Variants in ERBB4 observed in about 807,000 individuals in gnomAD.
ERBB4 encodes receptor tyrosine-protein kinase erbB-4.
A neutral mutation model predicts 158.0 loss-of-function variants in ERBB4; 42 were observed. The ratio of observed to expected loss-of-function variants is 0.27; its 90% CI spans 0.21 to 0.34. The LOEUF (loss-of-function observed/expected upper bound fraction) is 0.34, where lower values mean the gene tolerates loss of function less well. ERBB4 is among the 10% of genes least tolerant of loss of function. The pLI, the probability that ERBB4 is intolerant of heterozygous loss-of-function variation, is 1.00. For missense variants in ERBB4, 1,333 were observed against 1,624.1 expected (o/e 0.82, Z 3.08); for synonymous variants, 583 against 558.7 (o/e 1.04, Z -0.61).
intron 1 of ERBB4, among the ~76,000 whole-genome samples, chr2:212,395,838 C>G (rs1468631685): frequency 1.3e-5 from 2 of 151,906 alleles, no homozygotes; most frequent in South Asian, 2.1e-4. Flanking sequence ...AGGATGGTCT[C>G]GATCTCTTGA....
intron 1 of ERBB4, among the ~76,000 whole-genome samples, chr2:212,152,016 G>A (rs1205800863): frequency 6.6e-6 from 1 of 152,036 alleles, no homozygotes. Flanking sequence ...ATCTAATTGG[G>A]ATTCTATTTT....
intron 1 of ERBB4, among the ~76,000 whole-genome samples, chr2:212,358,033 A>C (rs1365520728): frequency 6.6e-6 from 1 of 151,874 alleles, no homozygotes; most frequent in Non-Finnish European, 1.5e-5. Flanking sequence ...AGCATTTCTA[A>C]ATGACTTCCC....
chr2:211,823,355 A>G (rs1316668553), intron 3 of ERBB4, among the ~76,000 whole-genome samples: 1 of 151,932 alleles, frequency 6.6e-6, no homozygotes, highest in African/African-American at 2.4e-5. Context: ...ACCCAAGCTT[A>G]ATCTAGTATT....
At chr2:212,151,079 A>T (rs1165557219) in intron 1 of ERBB4, among the ~76,000 whole-genome samples, 8 of 152,022 alleles carry the variant, frequency 5.3e-5, no homozygotes, top group African/African-American at 1.7e-4. Flanking sequence ...TATGAATGAA[A>T]ATGGAATATT....
intron 25 of ERBB4, among the ~76,000 whole-genome samples, chr2:211,413,309 AACACACACACACACACAC>A (rs36108369): frequency 3.2e-5 from 3 of 94,574 alleles, no homozygotes; most frequent in South Asian, 5.8e-4. Context: ...CTGTCTTAAA[AACACACACACACACACAC>A]ACACACACAC....
At chr2:211,710,255 A>T (rs918475115) in intron 9 of ERBB4, among the ~76,000 whole-genome samples, 2 of 152,184 alleles carry the variant, frequency 1.3e-5, no homozygotes, top group African/African-American at 4.8e-5. Context: ...GAAAGGCTTG[A>T]GGCTAATTCA....
At chr2:211,829,432 G>A (rs535737660) in intron 3 of ERBB4, among the ~76,000 whole-genome samples, 9 of 152,084 alleles carry the variant, frequency 5.9e-5, no homozygotes, top group East Asian at 1.9e-4. Flanking sequence ...TTTGGTTACC[G>A]TTAAGTATCT....
chr2:212,264,929 T>C (rs532306580), intron 1 of ERBB4, among the ~76,000 whole-genome samples: 1 of 152,224 alleles, frequency 6.6e-6, no homozygotes, highest in Non-Finnish European at 1.5e-5. Flanking sequence ...GTTTCCTTCA[T>C]CATATTTCCA....
intron 2 of ERBB4, among the ~76,000 whole-genome samples, chr2:212,008,912 C>A (rs1246587192): frequency 1.3e-5 from 2 of 152,122 alleles, no homozygotes; most frequent in Admixed American, 1.3e-4. Flanking sequence ...AAGATTCATG[C>A]TTTACATGAC....
rs183098090 is a variant in ERBB4 at position 211,943,018 on chromosome 2, T to C, written c.421+4412A>G. On this transcript the variant is annotated intron_variant, in intron 3 of 27. Coordinates refer to ENST00000342788, the MANE Select transcript of ERBB4 (RefSeq NM_005235.3). ...TAAGCATTTATCTCTCCATTTAAGA[T>C]ATAAACAAAATAGATAAGAACTTAA... 9.9e-5 allele frequency among the ~76,000 whole-genome samples: 15 copies of C among 152,246 alleles called. No individual in the cohort carries two copies. In the East Asian group the frequency reaches 2.7e-3, roughly 27 times the overall value.
chr2:211,396,102 C>T (rs1227514785), intron 25 of ERBB4, among the ~76,000 whole-genome samples: 1 of 151,672 alleles, frequency 6.6e-6, no homozygotes, highest in Admixed American at 6.6e-5. Flanking sequence ...GATATAGTTC[C>T]TTTTGTACTA....
intron 1 of ERBB4, among the ~76,000 whole-genome samples, chr2:212,196,664 A>G (rs2105892150): frequency 6.6e-6 from 1 of 152,254 alleles, no homozygotes; most frequent in Admixed American, 6.5e-5. Flanking sequence ...AACCTGATGG[A>G]ATAGTACTGT....
chr2:212,396,751 CAT>C (rs2091036845), intron 1 of ERBB4, among the ~76,000 whole-genome samples: 1 of 152,080 alleles, frequency 6.6e-6, no homozygotes, highest in South Asian at 2.1e-4. Flanking sequence ...TACTTAATGA[CAT>C]GAGTAGTTTT....
rs2069737298 is a variant in ERBB4, at chr2:211,624,011, G to A, written c.2113C>T (p.Pro705Ser). Residue 705 changes from proline (P) to serine (S), a missense_variant, in exon 18 of 28, where the codon CCC (proline) becomes TCC (serine). Transcript: ENST00000342788. ...AAAATACGAAGTTGAGCTTGATTGG[G>A]TGCTGTGCCACTGGGAGTTAATGGT... ...VEPLTPSGTA[P>S]NQAQLRILKE... 1 of 1,613,970 alleles carries A rather than the reference G, an allele frequency of 6.2e-7. No individual in the cohort carries two copies. Among genetic ancestry groups the A allele is most frequent in the Non-Finnish European group, 8.5e-7 (1 of 1,179,992 alleles).
intron 1 of ERBB4, among the ~76,000 whole-genome samples, chr2:212,170,005 G>A (rs1205499599): frequency 6.6e-6 from 1 of 152,172 alleles, no homozygotes. Flanking sequence ...TTGGTACTAG[G>A]AGAGAGGTAC....
chr2:211,716,678 A>AC, intron 7 of ERBB4, among the ~76,000 whole-genome samples: 1 of 148,886 alleles, frequency 6.7e-6, no homozygotes, highest in East Asian at 1.9e-4. Flanking sequence ...TCCGTCTCAA[A>AC]AAACAACAAC....
At chr2:211,438,429 AT>A (rs2063903020) in intron 20 of ERBB4, among the ~76,000 whole-genome samples, 1 of 152,106 alleles carries the variant, frequency 6.6e-6, no homozygotes, top group African/African-American at 2.4e-5. Flanking sequence ...TAGCTATGTG[AT>A]TTTGGTCAAT....
intron 2 of ERBB4, among the ~76,000 whole-genome samples, chr2:212,078,891 C>G (rs1575603485): frequency 6.6e-6 from 1 of 150,806 alleles, no homozygotes; most frequent in Non-Finnish European, 1.5e-5. Context: ...AATATTAATG[C>G]TAATATTATT....
At chr2:212,149,072 G>A (rs1017953812) in intron 1 of ERBB4, among the ~76,000 whole-genome samples, 37 of 145,534 alleles carry the variant, frequency 2.5e-4, no homozygotes, top group African/African-American at 3.1e-4. Flanking sequence ...GCTAGATGAC[G>A]AGTTAGTGGG....
Sources: allele counts gnomAD v4.1 joint callset (sites outside exome capture counted in the v4.1 genomes callset), GRCh38; gene constraint gnomAD v4.1.1; transcripts MANE v1.5; gene names NCBI Gene and HGNC (gene_info 2026-07-23, HGNC 2026-07-21).